GIPC2: variants seen among roughly 807,000 people sequenced by gnomAD.
GIPC2 encodes the protein GIPC PDZ domain containing family member 2, also known as PDZ domain-containing protein GIPC2.
In GIPC2, 30 loss-of-function variants were observed where a neutral mutation model predicts 30.6. The observed-to-expected ratio is 0.98, with a 90% CI of 0.73 to 1.33. The LOEUF (loss-of-function observed/expected upper bound fraction) is 1.33, where lower values mean the gene tolerates loss of function less well. GIPC2 is among the 40% of genes most tolerant of loss of function. The probability of loss-of-function intolerance (pLI) is 0.00; values close to 1 mark genes in which losing one functional copy is unlikely to be tolerated. For missense variants in GIPC2, 414 were observed against 390.3 expected (o/e 1.06, Z -0.51); for synonymous variants, 167 against 150.0 (o/e 1.11, Z -0.83).
chr1:78,055,431 T>C (rs957240714), intron 1 of GIPC2, among the ~76,000 whole-genome samples: 2 of 152,212 alleles, frequency 1.3e-5, no homozygotes, highest in African/African-American at 4.8e-5. Flanking sequence ...TCAGGTTCCA[T>C]GGACAGTTGG....
intron 2 of GIPC2, among the ~76,000 whole-genome samples, chr1:78,086,870 G>A (rs536863481): frequency 6.6e-6 from 1 of 152,048 alleles, no homozygotes; most frequent in South Asian, 2.1e-4. Context: ...GCATACCGTT[G>A]GGTCTTGGTT....
At chr1:78,131,745 G>A (rs1319835309) in intron 5 of GIPC2, among the ~76,000 whole-genome samples, 1 of 152,070 alleles carries the variant, frequency 6.6e-6, no homozygotes, top group Non-Finnish European at 1.5e-5. Flanking sequence ...ACCAAACCCA[G>A]CTGAGGATGA....
chr1:78,118,247 C>CAAAAAAAA (rs71810685), intron 3 of GIPC2, among the ~76,000 whole-genome samples: 4 of 34,248 alleles, frequency 1.2e-4, no homozygotes, highest in African/African-American at 4.4e-4. Flanking sequence ...AGTTTCATTG[C>CAAAAAAAA]AAAAAAAAAA....
At chr1:78,075,757 C>G (rs1367267069) in intron 1 of GIPC2, among the ~76,000 whole-genome samples, 1 of 152,216 alleles carries the variant, frequency 6.6e-6, no homozygotes, top group African/African-American at 2.4e-5. Flanking sequence ...CATGCTTACA[C>G]CTAAACCATC....
At chr1:78,091,735 T>C in intron 2 of GIPC2, 1 of 775,410 alleles carries the variant, frequency 1.3e-6, no homozygotes, top group Non-Finnish European at 2.4e-6. Context: ...CATACAAGAA[T>C]GTTAAATTTG....
chr1:78,116,755 T>C (rs1662575626), intron 3 of GIPC2, among the ~76,000 whole-genome samples: 1 of 152,338 alleles, frequency 6.6e-6, no homozygotes, highest in East Asian at 1.9e-4. Flanking sequence ...CAGTCTATCA[T>C]TGATGGACAT....
At chr1:78,111,263 G>T (rs1341897995) in intron 3 of GIPC2, among the ~76,000 whole-genome samples, 1 of 152,126 alleles carries the variant, frequency 6.6e-6, no homozygotes, top group East Asian at 1.9e-4. Context: ...GGCGGCGGGG[G>T]GTACTGGACA....
chr1:78,126,679 T>C (rs1296463612), intron 5 of GIPC2, among the ~76,000 whole-genome samples: 1 of 152,216 alleles, frequency 6.6e-6, no homozygotes, highest in Non-Finnish European at 1.5e-5. Context: ...CTCTCAGTCT[T>C]GGCTTCATTT....
chr1:78,046,265 G>A lies in GIPC2; in HGVS notation c.171G>A (p.Val57=), dbSNP rs1661080218. 1.2e-6 allele frequency: 2 copies of A among 1,611,644 alleles called. No homozygotes were observed. Among genetic ancestry groups the A allele is most frequent in the African/African-American group, 1.3e-5 (1 of 74,774 alleles). ...CGCACGGTAGTGCCACGGGCCGAGTGGAGGGCTTCTCCAGCATCCAGGAGC... is the reference window on the plus strand; with the variant it reads ...CGCACGGTAGTGCCACGGGCCGAGTAGAGGGCTTCTCCAGCATCCAGGAGC... ...QLAHGSATGR[V]EGFSSIQELY... The change falls in exon 1 of 6, where the codon GTG becomes GTA. Residue 57 remains valine (V), a synonymous_variant. Transcript: ENST00000370759.
At chr1:78,091,410 G>A (rs571877810) in intron 2 of GIPC2, 2 of 541,262 alleles carry the variant, frequency 3.7e-6, no homozygotes, top group Non-Finnish European at 6.7e-6. Context: ...GAGTGGAGCC[G>A]ATAAGGCGGC....
At chr1:78,082,015 G>C (rs534901045) in intron 2 of GIPC2, among the ~76,000 whole-genome samples, 3 of 152,206 alleles carry the variant, frequency 2.0e-5, no homozygotes, top group African/African-American at 4.8e-5. Flanking sequence ...CCGCAAAGTA[G>C]CCATTATTCT....
chr1:78,135,976 C>T lies in GIPC2; in HGVS notation c.*233C>T, dbSNP rs1472391985. The T allele has an allele frequency of 5.7e-6, 2 of 351,958 alleles. No homozygotes were observed. Among genetic ancestry groups the T allele is most frequent in the African/African-American group, 4.3e-5 (2 of 46,878 alleles). 21.8% of individuals were successfully genotyped at this position (351,958 alleles called of 1,614,324 possible). A position where few individuals can be genotyped will look rare whatever the true frequency, so the allele number is the denominator to read the frequency against. ...CTAAATAAGGATCAATTGTAATATT[C>T]ATTCAAAAGGTTTTTAAAAGTAAGT... On this transcript the variant is annotated 3_prime_UTR_variant, in exon 6 of 6. Transcript: ENST00000370759.
intron 1 of GIPC2, among the ~76,000 whole-genome samples, chr1:78,067,319 G>A (rs1397569415): frequency 6.6e-6 from 1 of 152,134 alleles, no homozygotes; most frequent in East Asian, 1.9e-4. Context: ...TTATAGGTCT[G>A]TTGTGAGAAT....
chr1:78,124,852 A>T (rs932769147), intron 4 of GIPC2, among the ~76,000 whole-genome samples: 1 of 152,132 alleles, frequency 6.6e-6, no homozygotes, highest in African/African-American at 2.4e-5. Flanking sequence ...CTAAAAAAAT[A>T]CAAAAAATTA....
chr1:78,121,209 A>G (rs1378140010), intron 4 of GIPC2, among the ~76,000 whole-genome samples: 1 of 152,150 alleles, frequency 6.6e-6, no homozygotes, highest in Non-Finnish European at 1.5e-5. Flanking sequence ...GGCGATGGTA[A>G]GGATTCCAAG....
intron 4 of GIPC2, 137 bp from the exon 5 acceptor site, chr1:78,125,744 T>C (rs868176162): frequency 1.7e-6 from 1 of 602,802 alleles, no homozygotes; most frequent in Non-Finnish European, 3.0e-6. Context: ...ACAGAGCACA[T>C]TCTAGATCTA....
chr1:78,057,767 C>T (rs556226941), intron 1 of GIPC2, among the ~76,000 whole-genome samples: 41 of 152,292 alleles, frequency 2.7e-4, no homozygotes, highest in African/African-American at 8.2e-4. Context: ...TTGTGCCAGT[C>T]ACTGCCCCAA....
chr1:78,088,438 C>G lies in GIPC2; in HGVS notation c.427-6514C>G, dbSNP rs114307028. Among the ~76,000 whole-genome samples the G allele has an allele frequency of 4.1e-3, 623 of 152,286 alleles. 5 individuals are homozygous for G. Among genetic ancestry groups the G allele is most frequent in the African/African-American group, 0.014 (582 of 41,558 alleles). ...AGCATTAAAAAGAATGAGATCATGTCTTTTGTGGCAACATGGATGTAGCTG... is the reference window on the plus strand; with the variant it reads ...AGCATTAAAAAGAATGAGATCATGTGTTTTGTGGCAACATGGATGTAGCTG... On this transcript the variant is annotated intron_variant, in intron 2 of 5. Transcript: ENST00000370759.
At chr1:78,056,134 T>C (rs930595271) in intron 1 of GIPC2, among the ~76,000 whole-genome samples, 5 of 152,300 alleles carry the variant, frequency 3.3e-5, no homozygotes, top group African/African-American at 1.2e-4. Context: ...TGTCTGTCTC[T>C]TCCATAAGAT....
Sources: allele counts gnomAD v4.1 joint callset (sites outside exome capture counted in the v4.1 genomes callset), GRCh38; gene constraint gnomAD v4.1.1; transcripts MANE v1.5; gene names NCBI Gene and HGNC (gene_info 2026-07-23, HGNC 2026-07-21).